The following APOBEC4 variants were observed in gnomAD, a reference collection of about 807,000 sequenced individuals.
APOBEC4 encodes the protein putative deaminase APOBEC-4.
For synonymous variants in APOBEC4, 141 were observed against 154.2 expected (o/e 0.91, Z 0.63); for missense variants, 375 against 441.2 (o/e 0.85, Z 1.34).
intron 1 of APOBEC4, among the ~76,000 whole-genome samples, chr1:183,652,170 C>A (rs971948165): frequency 1.3e-5 from 2 of 152,176 alleles, no homozygotes; most frequent in Non-Finnish European, 2.9e-5. Flanking sequence ...CCCATAATTA[C>A]CCTTTTGGGA....
At position 183,648,347 on chromosome 1, in the gene APOBEC4, A is replaced by G. The variant is rs745484538; in HGVS notation, c.435T>C (p.Tyr145=). Residue 145 remains tyrosine, a synonymous_variant, in exon 2 of 2, where the codon TAT becomes TAC. Transcript: ENST00000308641. ...AATAAATACTAAGAGTGATGCCTGGATACGTAATCAGGAAATTATACATTT... is the reference window on the plus strand; with the variant it reads ...AATAAATACTAAGAGTGATGCCTGGGTACGTAATCAGGAAATTATACATTT... ...ISKMYNFLIT[Y]PGITLSIYFS... The G allele has an allele frequency of 6.2e-7, 1 of 1,614,236 alleles. No homozygotes were observed. Among genetic ancestry groups the G allele is most frequent in the Non-Finnish European group, 8.5e-7 (1 of 1,180,046 alleles).
chr1:183,648,356 C>T lies in APOBEC4; in HGVS notation c.426G>A (p.Leu142=). The part of the protein sequence containing the change: ...HCCISKMYNF[L]ITYPGITLSI... ...TAAGAGTGATGCCTGGATACGTAAT[C>T]AGGAAATTATACATTTTGCTGATGC... The change falls in exon 2 of 2, where the codon CTG becomes CTA. Residue 142 remains leucine, a synonymous_variant. Coordinates refer to ENST00000308641, the MANE Select transcript of APOBEC4 (RefSeq NM_203454.3). The T allele has an allele frequency of 6.2e-7, 1 of 1,614,188 alleles. No individual in the cohort carries two copies. The highest frequency in any genetic ancestry group is 1.1e-5 in the South Asian group (1 of 91,072).
intron 1 of APOBEC4, among the ~76,000 whole-genome samples, chr1:183,650,183 C>T (rs1296257757): frequency 1.3e-5 from 2 of 151,934 alleles, no homozygotes; most frequent in South Asian, 2.1e-4. Context: ...ATAATATAAA[C>T]AAAGTCATGT....
At position 183,648,156 on chromosome 1, in the gene APOBEC4, T is replaced by C; in HGVS notation, c.626A>G (p.His209Arg). ...HSFISGVSGS[H>R]VFQPILTGRA... ...CCCAGTTAAAATGGGCTGAAAAACATGTGATCCTGAGACACCACTTATAAA... is the reference window on the plus strand; with the variant it reads ...CCCAGTTAAAATGGGCTGAAAAACACGTGATCCTGAGACACCACTTATAAA... The change falls in exon 2 of 2, where the codon CAT (histidine) becomes CGT (arginine). Residue 209 changes from histidine (H) to arginine (R), a missense_variant. By Grantham distance (29) the His-to-Arg change is conservative. Coordinates refer to ENST00000308641, the MANE Select transcript of APOBEC4 (RefSeq NM_203454.3). 6.2e-7 allele frequency: 1 copy of C among 1,614,192 alleles called. No homozygotes were observed. The highest frequency in any genetic ancestry group is 8.5e-7 in the Non-Finnish European group (1 of 1,180,040).
At position 183,647,329 on chromosome 1, in the gene APOBEC4, GT is replaced by G. The variant is rs1395844158; in HGVS notation, c.*348del. On this transcript the variant is annotated 3_prime_UTR_variant, in exon 2 of 2. Transcript: ENST00000308641. ...AAATTTTTTACCGAAACAAATTTAG[GT>G]AGCTATTTTGTCCATGGGCTTTTGT... 1.8e-5 allele frequency: 3 copies of G among 165,884 alleles called. No homozygotes were observed. The highest frequency in any genetic ancestry group is 3.9e-5 in the Non-Finnish European group (3 of 77,814). The allele number at this position is 165,884 out of a possible 1,614,324, so 10.3% of individuals were successfully genotyped here. A position where few individuals can be genotyped will look rare whatever the true frequency, so the allele number is the denominator to read the frequency against.
At chr1:183,651,129 C>T (rs956221747) in intron 1 of APOBEC4, among the ~76,000 whole-genome samples, 6 of 152,048 alleles carry the variant, frequency 3.9e-5, no homozygotes, top group Non-Finnish European at 8.8e-5. Context: ...TTATGTGGTC[C>T]AGTCTCTACT....
intron 1 of APOBEC4, among the ~76,000 whole-genome samples, chr1:183,650,347 T>C (rs1426863971): frequency 6.6e-6 from 1 of 151,980 alleles, no homozygotes. Context: ...ATGGAGACAA[T>C]CCTGGCTAAC....
Position 183,650,191 on chromosome 1 carries a change from T to C in APOBEC4, c.-30-1380A>G, listed in dbSNP as rs1650617555. On this transcript the variant is annotated intron_variant, in intron 1 of 1. Coordinates refer to ENST00000308641, the MANE Select transcript of APOBEC4 (RefSeq NM_203454.3). ...GTTACATATAATATAAACAAAGTCATGTTTTATACCCTGCTTTTTCACTTA... is the reference window on the plus strand; with the variant it reads ...GTTACATATAATATAAACAAAGTCACGTTTTATACCCTGCTTTTTCACTTA... 3.3e-5 allele frequency among the ~76,000 whole-genome samples: 5 copies of C among 152,220 alleles called. No homozygotes were observed. The South Asian group carries it at 1.0e-3, about 32-fold the overall frequency.
At chr1:183,652,788 C>A (rs765458752) in intron 1 of APOBEC4, among the ~76,000 whole-genome samples, 1 of 152,192 alleles carries the variant, frequency 6.6e-6, no homozygotes, top group African/African-American at 2.4e-5. Flanking sequence ...AGCAGATTTG[C>A]TGGCAGTAAG....
chr1:183,648,831 T>A lies in APOBEC4; in HGVS notation c.-30-20A>T. The A allele has an allele frequency of 6.9e-7, 1 of 1,445,014 alleles. No homozygotes were observed. The highest frequency in any genetic ancestry group is 9.3e-7 in the Non-Finnish European group (1 of 1,071,590). The allele number at this position is 1,445,014 out of a possible 1,614,324, so 89.5% of individuals were successfully genotyped here. On this transcript the variant is annotated intron_variant, in intron 1 of 1. Coordinates refer to ENST00000308641, the MANE Select transcript of APOBEC4 (RefSeq NM_203454.3). ...GCAAACCTAAACAAGGAAGAGAAATTACATATAAAACCAGCGCAGGAAAAA... is the reference window on the plus strand; with the variant it reads ...GCAAACCTAAACAAGGAAGAGAAATAACATATAAAACCAGCGCAGGAAAAA...
chr1:183,650,853 T>G lies in APOBEC4; in HGVS notation c.-30-2042A>C, dbSNP rs113197645. 4.0e-3 allele frequency among the ~76,000 whole-genome samples: 612 copies of G among 152,248 alleles called. 6 individuals are homozygous for G. Among genetic ancestry groups the G allele is most frequent in the African/African-American group, 0.014 (580 of 41,562 alleles). On this transcript the variant is annotated intron_variant, in intron 1 of 1. Transcript: ENST00000308641. ...AATTTGAGAAGGGAGCATTGGTATT[T>G]TTTTGTTGCTATAATGTGTGCCTTT...
At chr1:183,651,109 T>G (rs1287820917) in intron 1 of APOBEC4, among the ~76,000 whole-genome samples, 1 of 152,186 alleles carries the variant, frequency 6.6e-6, no homozygotes, top group African/African-American at 2.4e-5. Context: ...TTGCACCAAA[T>G]TTTACATTTT....
chr1:183,651,437 C>G (rs79082707), intron 1 of APOBEC4, among the ~76,000 whole-genome samples: 12,406 of 152,216 alleles, frequency 0.082, 985 homozygotes, highest in African/African-American at 0.21. Context: ...CCTCAGCCCA[C>G]ATCAGCTCAT....
At chr1:183,651,422 G>C (rs1219743271) in intron 1 of APOBEC4, among the ~76,000 whole-genome samples, 2 of 152,102 alleles carry the variant, frequency 1.3e-5, no homozygotes, top group Non-Finnish European at 2.9e-5. Context: ...TTCACCTTCT[G>C]TCTTCCTCAG....
chr1:183,647,619 T>C lies in APOBEC4; in HGVS notation c.*59A>G. The C allele has an allele frequency of 6.6e-7, 1 of 1,506,402 alleles. No homozygotes were observed. The highest frequency in any genetic ancestry group is 8.8e-7 in the Non-Finnish European group (1 of 1,131,268). 93.3% of individuals were successfully genotyped at this position (1,506,402 alleles called of 1,614,324 possible). A position where few individuals can be genotyped will look rare whatever the true frequency, so the allele number is the denominator to read the frequency against. On this transcript the variant is annotated 3_prime_UTR_variant, in exon 2 of 2. Transcript: ENST00000308641. Reference sequence around the variant, plus strand: ...CCCTGAGAGAGAAAGTTTCCAGATTTTTATTGCCTATCTAATAAGTCCCTT... The same window carrying C: ...CCCTGAGAGAGAAAGTTTCCAGATTCTTATTGCCTATCTAATAAGTCCCTT...
At position 183,648,180 on chromosome 1, in the gene APOBEC4, A is replaced by C; in HGVS notation, c.602T>G (p.Phe201Cys). Residue 201 changes from phenylalanine (F) to cysteine (C), a missense_variant, in exon 2 of 2, where the codon TTT becomes TGT. By Grantham distance (205) the Phe-to-Cys change is radical. Coordinates refer to ENST00000308641, the MANE Select transcript of APOBEC4 (RefSeq NM_203454.3). ...ATGTGATCCTGAGACACCACTTATA[A>C]AGCTGTGGAGAACAGAATGCCAGAT... ...GGIWHSVLHS[F>C]ISGVSGSHVF... 1 of 1,614,178 alleles carries C rather than the reference A, an allele frequency of 6.2e-7. No individual in the cohort carries two copies.
rs1367257717 is a variant in APOBEC4, at chr1:183,653,075, C to G, written c.-34G>C. The G allele has an allele frequency of 1.3e-5, 2 of 152,244 alleles. No individual in the cohort carries two copies. The highest frequency in any genetic ancestry group is 2.9e-5 in the Non-Finnish European group (2 of 68,064). 9.4% of individuals were successfully genotyped at this position (152,244 alleles called of 1,614,324 possible). On this transcript the variant is annotated 5_prime_UTR_variant, in exon 1 of 2. Transcript: ENST00000308641. ...AAATGTTAGCAGTTATAATTACCAT[C>G]AATTTGTCTCCAGGCTTGGATCACA...
At position 183,648,408 on chromosome 1, in the gene APOBEC4, G is replaced by T. The variant is rs1650472996; in HGVS notation, c.374C>A (p.Ser125Tyr). 1 of 1,614,084 alleles carries T rather than the reference G, an allele frequency of 6.2e-7. No homozygotes were observed. The highest frequency in any genetic ancestry group is 8.5e-7 in the Non-Finnish European group (1 of 1,180,038). ...IRHIILYSNN[S>Y]PCNEANHCCI... ...GCAGTGGTTAGCTTCATTACAAGGG[G>T]AGTTGTTGGAATACAGAATGATATG... The change falls in exon 2 of 2, where the codon TCC (serine) becomes TAC (tyrosine). Residue 125 changes from serine to tyrosine, a missense_variant. Coordinates refer to ENST00000308641, the MANE Select transcript of APOBEC4 (RefSeq NM_203454.3).
intron 1 of APOBEC4, among the ~76,000 whole-genome samples, chr1:183,651,093 T>C (rs1308580155): frequency 6.6e-6 from 1 of 152,228 alleles, no homozygotes; most frequent in African/African-American, 2.4e-5. Context: ...GCCAATGTTA[T>C]TTTAATTGCA....
Sources: allele counts gnomAD v4.1 joint callset (sites outside exome capture counted in the v4.1 genomes callset), GRCh38; gene constraint gnomAD v4.1.1; transcripts MANE v1.5; gene names NCBI Gene and HGNC (gene_info 2026-07-23, HGNC 2026-07-21).